The following TMEM62 variants were observed in gnomAD, a reference collection of about 807,000 sequenced individuals.
The protein encoded by TMEM62 is transmembrane protein 62.
A neutral mutation model predicts 70.4 loss-of-function variants in TMEM62; 41 were observed. That is an observed-to-expected ratio of 0.58 (90% CI 0.45 to 0.76). The LOEUF is 0.76. TMEM62 is among the 30% of genes least tolerant of loss of function. The pLI is 0.00. For synonymous variants in TMEM62, 268 were observed against 291.0 expected (o/e 0.92, Z 0.80); for missense variants, 688 against 788.5 (o/e 0.87, Z 1.53).
chr15:43,177,687 T>C (rs1335198014), intron 11 of TMEM62, among the ~76,000 whole-genome samples: 1 of 152,132 alleles, frequency 6.6e-6, no homozygotes, highest in Non-Finnish European at 1.5e-5. Flanking sequence ...AATGAGTTCA[T>C]GTCCTTTGTA....
intron 9 of TMEM62, among the ~76,000 whole-genome samples, chr15:43,156,335 T>G (rs2038044182): frequency 1.3e-5 from 2 of 152,178 alleles, no homozygotes; most frequent in African/African-American, 4.8e-5. Flanking sequence ...ATGGAGAAAC[T>G]TGTACATCTG....
chr15:43,138,048 G>A (rs899195918), intron 3 of TMEM62, among the ~76,000 whole-genome samples: 5 of 152,228 alleles, frequency 3.3e-5, no homozygotes, highest in African/African-American at 1.2e-4. Flanking sequence ...ACCTGCTGCA[G>A]CCCTGAAGGC....
chr15:43,144,185 G>A (rs1041556559), intron 4 of TMEM62, among the ~76,000 whole-genome samples: 1 of 152,170 alleles, frequency 6.6e-6, no homozygotes, highest in Non-Finnish European at 1.5e-5. Context: ...ACATGCCAAG[G>A]AGGATATTTT....
At chr15:43,162,887 A>G (rs893875433) in intron 10 of TMEM62, among the ~76,000 whole-genome samples, 1 of 152,006 alleles carries the variant, frequency 6.6e-6, no homozygotes, top group Admixed American at 6.6e-5. Flanking sequence ...TCTGGATCAA[A>G]GGGTGGGCAC....
rs1016675161 is a variant in TMEM62, at chr15:43,166,232, CAG to C, written c.1297-3358_1297-3357del. 3.9e-5 allele frequency among the ~76,000 whole-genome samples: 6 copies of C among 152,328 alleles called. No individual in the cohort carries two copies. The East Asian group carries it at 7.7e-4, about 20-fold the overall frequency. Reference sequence around the variant, plus strand: ...TGGGAGAATTCTCTTGATTACCAGGCAGAGTCTTTTGTTTTCTTTTCTTTTTT... The same window carrying C: ...TGGGAGAATTCTCTTGATTACCAGGCAGTCTTTTGTTTTCTTTTCTTTTTT... On this transcript the variant is annotated intron_variant, in intron 10 of 13. Transcript: ENST00000260403.
Position 43,133,683 on chromosome 15 carries a change from C to A in TMEM62, c.-120C>A. The A allele has an allele frequency of 1.4e-6, 1 of 721,552 alleles. No homozygotes were observed. 44.7% of individuals were successfully genotyped at this position (721,552 alleles called of 1,614,324 possible). A position where few individuals can be genotyped will look rare whatever the true frequency, so the allele number is the denominator to read the frequency against. Reference sequence around the variant, plus strand: ...CTCCAGCCCCGCATCCGGCGCCGGCCCCGCATCCAGCTCTGGCCCTGCGAC... The same window carrying A: ...CTCCAGCCCCGCATCCGGCGCCGGCACCGCATCCAGCTCTGGCCCTGCGAC... On this transcript the variant is annotated 5_prime_UTR_variant, in exon 1 of 14. Coordinates refer to ENST00000260403, the MANE Select transcript of TMEM62 (RefSeq NM_024956.4).
intron 4 of TMEM62, among the ~76,000 whole-genome samples, chr15:43,142,729 C>T (rs529963727): frequency 1.3e-5 from 2 of 151,204 alleles, no homozygotes; most frequent in African/African-American, 2.4e-5. Context: ...AGTGCAATGG[C>T]GCGATCTCAG....
chr15:43,172,890 T>C lies in TMEM62; in HGVS notation c.1381+3213T>C, dbSNP rs554277368. ...TTTTACCTTAAAAATCTAGTCATTT[T>C]TCAGTAAGCATCAGTCTTCACTCCT... On this transcript the variant is annotated intron_variant, in intron 11 of 13. Transcript: ENST00000260403. 2.0e-3 allele frequency among the ~76,000 whole-genome samples: 305 copies of C among 152,334 alleles called. 1 individual carries two copies. Among genetic ancestry groups the C allele is most frequent in the Middle Eastern group, 0.017 (5 of 294 alleles).
At chr15:43,163,331 TATG>T (rs1474503148) in intron 10 of TMEM62, among the ~76,000 whole-genome samples, 4 of 152,230 alleles carry the variant, frequency 2.6e-5, no homozygotes, top group African/African-American at 4.8e-5. Flanking sequence ...TTGTTACTTG[TATG>T]ATTTTTTCAG....
At chr15:43,167,259 G>A (rs35540074) in intron 10 of TMEM62, among the ~76,000 whole-genome samples, 40,082 of 150,134 alleles carry the variant, frequency 0.27, 6,064 homozygotes, top group African/African-American at 0.41. Context: ...GCCGAGCGGG[G>A]GGCTGACCCC....
intron 13 of TMEM62, 110 bp from the exon 14 acceptor site, chr15:43,184,150 C>A (rs1464451334): frequency 1.3e-5 from 13 of 971,434 alleles, no homozygotes; most frequent in Non-Finnish European, 1.9e-5. Flanking sequence ...AGTAAATTAG[C>A]TAACGCCAAG....
At chr15:43,138,706 T>C (rs1237598743) in intron 4 of TMEM62, 87 bp downstream of exon 4, 1 of 1,145,592 alleles carries the variant, frequency 8.7e-7, no homozygotes, top group Non-Finnish European at 1.3e-6. Context: ...GAGAAAACTT[T>C]AAAAAAACAT....
intron 9 of TMEM62, among the ~76,000 whole-genome samples, chr15:43,158,962 G>C (rs975155588): frequency 1.3e-5 from 2 of 152,198 alleles, no homozygotes; most frequent in Admixed American, 1.3e-4. Flanking sequence ...CCTTTGGCTA[G>C]TGGGAGCCTC....
At chr15:43,148,615 G>T in intron 5 of TMEM62, 140 bp from the exon 6 acceptor site, 1 of 891,806 alleles carries the variant, frequency 1.1e-6, no homozygotes, top group Non-Finnish European at 1.6e-6. Flanking sequence ...GAGGTCCATA[G>T]AGGTCATTAA....
intron 4 of TMEM62, among the ~76,000 whole-genome samples, chr15:43,145,297 C>T (rs962149961): frequency 1.3e-5 from 2 of 149,706 alleles, no homozygotes; most frequent in Non-Finnish European, 3.0e-5. Flanking sequence ...CTCCGCCTCC[C>T]GGGTTCAAGC....
intron 10 of TMEM62, among the ~76,000 whole-genome samples, chr15:43,167,405 G>A (rs906336028): frequency 6.6e-6 from 1 of 151,864 alleles, no homozygotes; most frequent in Non-Finnish European, 1.5e-5. Flanking sequence ...TCACTTCTCA[G>A]ACGGGGCGGT....
At chr15:43,166,986 T>G (rs1260870061) in intron 10 of TMEM62, among the ~76,000 whole-genome samples, 2 of 152,216 alleles carry the variant, frequency 1.3e-5, no homozygotes, top group Non-Finnish European at 2.9e-5. Context: ...TTTCCCCACC[T>G]TCCCCCCTTT....
chr15:43,161,538 A>G (rs1193120463), intron 10 of TMEM62, among the ~76,000 whole-genome samples: 1 of 152,208 alleles, frequency 6.6e-6, no homozygotes, highest in Non-Finnish European at 1.5e-5. Context: ...TCTTTCTTTT[A>G]TCACACTATC....
intron 9 of TMEM62, among the ~76,000 whole-genome samples, chr15:43,158,601 A>C (rs1013135845): frequency 6.6e-6 from 1 of 152,192 alleles, no homozygotes; most frequent in East Asian, 1.9e-4. Flanking sequence ...TACTTACCTA[A>C]ATCCATTTTT....
Sources: gnomAD v4.1 joint callset for allele counts (sites outside exome capture counted in the v4.1 genomes callset) on GRCh38, gnomAD v4.1.1 for gene constraint, MANE v1.5 for transcripts, NCBI Gene and HGNC (gene_info 2026-07-23, HGNC 2026-07-21) for gene names.